The following GRID2 variants were observed in gnomAD, a reference collection of about 807,000 sequenced individuals.
GRID2 encodes the protein glutamate receptor ionotropic, delta-2.
Under a neutral mutation model 114.8 loss-of-function variants are expected in GRID2, and 33 were observed. The ratio of observed to expected loss-of-function variants is 0.29; its 90% CI spans 0.22 to 0.38. The LOEUF is 0.38. Among genes scored for constraint, GRID2 ranks in the 10% least tolerant of loss-of-function variants. The pLI is 1.00. For synonymous variants in GRID2, 505 were observed against 449.9 expected, an observed-to-expected ratio of 1.12 and a Z score of -1.55; for missense variants, 1,184 against 1,257.7, an observed-to-expected ratio of 0.94 and a Z score of 0.89.
At position 93,656,829 on chromosome 4, in the gene GRID2, C is replaced by CAAA. The variant is rs61508444; in HGVS notation, c.2360+30420_2360+30422dup. 8.1e-3 allele frequency among the ~76,000 whole-genome samples: 258 copies of CAAA among 31,824 alleles called. 1 individual carries two copies. The highest frequency in any genetic ancestry group is 9.0e-3 in the Non-Finnish European group (151 of 16,830). The allele number at this position is 31,824 out of a possible 152,430, so 20.9% of individuals were successfully genotyped here. A position where few individuals can be genotyped will look rare whatever the true frequency, so the allele number is the denominator to read the frequency against. Reference sequence around the variant, plus strand: ...TGGGTGACAGAGCGAGACTCTGCCTCAAAAAAAAAAAAAAAAAAAAAAAAA... The same window carrying CAAA: ...TGGGTGACAGAGCGAGACTCTGCCTCAAAAAAAAAAAAAAAAAAAAAAAAAAAA... On this transcript the variant is annotated intron_variant, in intron 14 of 15. Transcript: ENST00000282020.
chr4:93,797,354 G>T (rs1378956918), intron 1 of GRID2, among the ~76,000 whole-genome samples: 2 of 152,154 alleles, frequency 1.3e-5, no homozygotes, highest in Non-Finnish European at 2.9e-5. Flanking sequence ...ATGAGTTCCT[G>T]CAGTACAGAG....
intron 3 of GRID2, among the ~76,000 whole-genome samples, chr4:93,103,952 CA>C (rs1450996592): frequency 1.4e-5 from 2 of 145,846 alleles, no homozygotes; most frequent in Non-Finnish European, 3.0e-5. Flanking sequence ...ACTTTAGGTA[CA>C]AGGGGAGTGT....
At chr4:92,505,512 C>T (rs73837315) in intron 1 of GRID2, among the ~76,000 whole-genome samples, 3,097 of 152,036 alleles carry the variant, frequency 0.02, 114 homozygotes, top group African/African-American at 0.071. Flanking sequence ...TTTGCACAGT[C>T]AATGGTCATG....
intron 8 of GRID2, among the ~76,000 whole-genome samples, chr4:93,266,409 T>G (rs539996514): frequency 1.4e-4 from 22 of 152,170 alleles, no homozygotes; most frequent in African/African-American, 4.8e-4. Context: ...TTTTATATAT[T>G]CAGAACATAA....
At position 92,570,911 on chromosome 4, in the gene GRID2, C is replaced by T. The variant is rs1375262997; in HGVS notation, c.89-19220C>T. Among the ~76,000 whole-genome samples the T allele has an allele frequency of 2.6e-5, 4 of 152,066 alleles. No homozygotes were observed. The East Asian group carries it at 7.7e-4, about 29-fold the overall frequency. On this transcript the variant is annotated intron_variant, in intron 1 of 15. Coordinates refer to ENST00000282020, the MANE Select transcript of GRID2 (RefSeq NM_001510.4). ...TCTGCAAACAAGGATATTTTGACTC[C>T]CTGTCTTTGTATTTGAATGTCTTTC...
intron 2 of GRID2, among the ~76,000 whole-genome samples, chr4:92,975,451 CATT>C (rs1437698290): frequency 3.3e-5 from 5 of 151,940 alleles, no homozygotes; most frequent in Admixed American, 3.3e-4. Flanking sequence ...ATGGCCACAA[CATT>C]AGTATCATTA....
At chr4:93,106,917 A>G (rs1732292200) in intron 3 of GRID2, among the ~76,000 whole-genome samples, 2 of 152,192 alleles carry the variant, frequency 1.3e-5, no homozygotes, top group South Asian at 4.1e-4. Flanking sequence ...AGGAATTACA[A>G]TATGTTAGAC....
chr4:93,664,532 T>TGG (rs1423225865), intron 14 of GRID2, among the ~76,000 whole-genome samples: 20 of 152,286 alleles, frequency 1.3e-4, no homozygotes, highest in African/African-American at 4.8e-4. Context: ...ATGTTGGATG[T>TGG]GGAGTCTGAA....
chr4:93,408,774 T>C (rs2149349417), intron 9 of GRID2, among the ~76,000 whole-genome samples: 1 of 152,298 alleles, frequency 6.6e-6, no homozygotes, highest in Admixed American at 6.5e-5. Flanking sequence ...TCCCTGCAGA[T>C]TTGTTTCTTG....
chr4:93,426,806 G>A (rs1768890806), intron 10 of GRID2, among the ~76,000 whole-genome samples: 1 of 151,880 alleles, frequency 6.6e-6, no homozygotes, highest in African/African-American at 2.4e-5. Context: ...AAAAATTGAG[G>A]CTTAAAGAAG....
At chr4:93,332,293 T>TGAGAGAGAGAGAGAGAGAGAGA (rs1182268164) in intron 8 of GRID2, among the ~76,000 whole-genome samples, 5 of 114,764 alleles carry the variant, frequency 4.4e-5, no homozygotes, top group African/African-American at 2.3e-4. Flanking sequence ...TGTGTGTGTG[T>TGAGAGAGAGAGAGAGAGAGAGA]GTGTGTGAGA....
intron 1 of GRID2, among the ~76,000 whole-genome samples, chr4:92,568,722 C>A (rs1033319771): frequency 6.6e-6 from 1 of 151,992 alleles, no homozygotes; most frequent in East Asian, 1.9e-4. Flanking sequence ...TCTCCCTCTT[C>A]CCACCTTCAC....
At chr4:92,812,584 A>G (rs1198646456) in intron 2 of GRID2, among the ~76,000 whole-genome samples, 2 of 152,208 alleles carry the variant, frequency 1.3e-5, no homozygotes, top group Middle Eastern at 3.4e-3. Context: ...ATTTAGCATA[A>G]TACCCCTGTT....
At chr4:93,757,150 A>G (rs761035363) in intron 14 of GRID2, among the ~76,000 whole-genome samples, 10 of 152,204 alleles carry the variant, frequency 6.6e-5, no homozygotes, top group Non-Finnish European at 1.2e-4. Flanking sequence ...ATTATGTGTC[A>G]GAGGTTAGAA....
intron 8 of GRID2, among the ~76,000 whole-genome samples, chr4:93,304,261 T>C (rs1459014454): frequency 7.7e-6 from 1 of 130,624 alleles, no homozygotes; most frequent in East Asian, 2.0e-4. Context: ...ATTTTAAATA[T>C]ATATATATAT....
At chr4:93,082,848 A>G (rs984513796) in intron 2 of GRID2, among the ~76,000 whole-genome samples, 7 of 152,234 alleles carry the variant, frequency 4.6e-5, no homozygotes, top group Non-Finnish European at 7.3e-5. Context: ...AGGAAGTAAC[A>G]GTGGGTTGGA....
intron 8 of GRID2, among the ~76,000 whole-genome samples, chr4:93,374,939 C>T (rs533450548): frequency 6.6e-6 from 1 of 152,178 alleles, no homozygotes; most frequent in South Asian, 2.1e-4. Context: ...TTTCATTTCC[C>T]AAAAGAATTT....
intron 4 of GRID2, among the ~76,000 whole-genome samples, chr4:93,147,224 T>C (rs375752377): frequency 6.6e-5 from 10 of 152,138 alleles, no homozygotes; most frequent in African/African-American, 2.4e-4. Context: ...TACAGTGTTA[T>C]CAGTGCAGCA....
chr4:93,653,092 C>G (rs1428217557), intron 14 of GRID2, among the ~76,000 whole-genome samples: 5 of 152,128 alleles, frequency 3.3e-5, no homozygotes, highest in Non-Finnish European at 7.3e-5. Flanking sequence ...GAGCAAGACT[C>G]TTTGAAGCTG....
Sources: gnomAD v4.1 joint callset for allele counts (sites outside exome capture counted in the v4.1 genomes callset) on GRCh38, gnomAD v4.1.1 for gene constraint, MANE v1.5 for transcripts, NCBI Gene and HGNC (gene_info 2026-07-23, HGNC 2026-07-21) for gene names.